Variants in GALNT17 observed in about 807,000 individuals in gnomAD.
GALNT17 encodes the protein UDP-GalNAc:polypeptide N-acetylgalactosaminyltransferase-like 3.
A neutral mutation model predicts 63.7 loss-of-function variants in GALNT17; 29 were observed. The observed-to-expected ratio is 0.46, with a 90% confidence interval of 0.34 to 0.62. GALNT17 has a LOEUF of 0.62. GALNT17 is among the 20% of genes least tolerant of loss of function. The pLI, the probability that GALNT17 is intolerant of heterozygous loss-of-function variation, is 0.01. For missense variants in GALNT17, 603 were observed against 799.6 expected (o/e 0.75, Z 2.97); for synonymous variants, 305 against 318.3 (o/e 0.96, Z 0.45).
intron 5 of GALNT17, among the ~76,000 whole-genome samples, chr7:71,425,189 C>G (rs1462356650): frequency 2.0e-5 from 3 of 152,064 alleles, no homozygotes; most frequent in African/African-American, 7.2e-5. Context: ...CTGTTCCCAG[C>G]TCTGCTTGGT....
chr7:71,570,650 G>A (rs1466654027), intron 5 of GALNT17, among the ~76,000 whole-genome samples: 4 of 152,052 alleles, frequency 2.6e-5, no homozygotes, highest in African/African-American at 9.7e-5. Flanking sequence ...ATCTATGAGG[G>A]AGTCACATTA....
intron 9 of GALNT17, among the ~76,000 whole-genome samples, chr7:71,705,221 T>A (rs1443562403): frequency 6.6e-6 from 1 of 152,134 alleles, no homozygotes; most frequent in Non-Finnish European, 1.5e-5. Context: ...TAGACTTTTT[T>A]TTCAAAGAAG....
At chr7:71,271,746 C>CT (rs144427230) in intron 1 of GALNT17, among the ~76,000 whole-genome samples, 17,749 of 152,118 alleles carry the variant, frequency 0.12, 1,212 homozygotes, top group South Asian at 0.21. Flanking sequence ...GATCTGTTCT[C>CT]TAATTCTTCC....
intron 6 of GALNT17, among the ~76,000 whole-genome samples, chr7:71,639,249 G>GA (rs1206716852): frequency 6.6e-6 from 1 of 151,598 alleles, no homozygotes; most frequent in Admixed American, 6.6e-5. Context: ...ACATTTGTTT[G>GA]AAAAAAAAGG....
chr7:71,391,617 G>A (rs965114177), intron 3 of GALNT17, among the ~76,000 whole-genome samples: 3 of 152,032 alleles, frequency 2.0e-5, no homozygotes, highest in African/African-American at 4.8e-5. Context: ...TGAGAGGCTG[G>A]GACCACAGGC....
chr7:71,269,057 G>A (rs1790540860), intron 1 of GALNT17, among the ~76,000 whole-genome samples: 1 of 152,190 alleles, frequency 6.6e-6, no homozygotes, highest in Admixed American at 6.5e-5. Flanking sequence ...AGGGATCCCT[G>A]TAGCTTGGAA....
At chr7:71,498,689 C>G (rs1208979124) in intron 5 of GALNT17, among the ~76,000 whole-genome samples, 2 of 152,062 alleles carry the variant, frequency 1.3e-5, no homozygotes, top group East Asian at 3.9e-4. Context: ...ATCAGAAGAT[C>G]TGAATATGAC....
intron 6 of GALNT17, among the ~76,000 whole-genome samples, chr7:71,618,642 C>T (rs1290935201): frequency 6.6e-6 from 1 of 152,104 alleles, no homozygotes; most frequent in East Asian, 1.9e-4. Flanking sequence ...ATGTCCCTTG[C>T]CCATTTTTTA....
At chr7:71,230,648 G>T (rs1789771029) in intron 1 of GALNT17, among the ~76,000 whole-genome samples, 2 of 152,152 alleles carry the variant, frequency 1.3e-5, no homozygotes, top group Non-Finnish European at 2.9e-5. Flanking sequence ...CGCTTAAGGA[G>T]CCTTGGTGTC....
At chr7:71,676,895 G>A (rs1242214221) in intron 8 of GALNT17, among the ~76,000 whole-genome samples, 1 of 152,154 alleles carries the variant, frequency 6.6e-6, no homozygotes, top group Admixed American at 6.6e-5. Flanking sequence ...AGAAGTCTAA[G>A]ATCGGGGTAA....
chr7:71,281,767 T>C (rs1391196302), intron 1 of GALNT17, among the ~76,000 whole-genome samples: 1 of 152,334 alleles, frequency 6.6e-6, no homozygotes, highest in South Asian at 2.1e-4. Flanking sequence ...TATTTCCAGA[T>C]ATCAGAAAAA....
rs1477601659 is a variant in GALNT17 at position 71,573,555 on chromosome 7, C to T, written c.1080+2153C>T. 2.7e-5 allele frequency among the ~76,000 whole-genome samples: 4 copies of T among 150,704 alleles called. No homozygotes were observed. The East Asian group carries it at 8.0e-4, about 30-fold the overall frequency. On this transcript the variant is annotated intron_variant, in intron 6 of 10. Coordinates refer to ENST00000333538, the MANE Select transcript of GALNT17 (RefSeq NM_022479.3). ...TTCACTGTGGTAGCCAGGATGGTCT[C>T]AATCTCCTGACCTTGTGATCTGCCC...
At chr7:71,579,758 G>A (rs975796115) in intron 6 of GALNT17, among the ~76,000 whole-genome samples, 8 of 152,154 alleles carry the variant, frequency 5.3e-5, no homozygotes, top group Non-Finnish European at 7.3e-5. Flanking sequence ...TCAAGGTGGG[G>A]CCCAGATTAT....
chr7:71,386,928 A>G (rs1792956252), intron 2 of GALNT17, among the ~76,000 whole-genome samples: 1 of 152,094 alleles, frequency 6.6e-6, no homozygotes, highest in Non-Finnish European at 1.5e-5. Context: ...AATACAGAGC[A>G]CTTAGTGGGT....
chr7:71,286,214 T>C (rs925524275), intron 1 of GALNT17, among the ~76,000 whole-genome samples: 3 of 152,200 alleles, frequency 2.0e-5, no homozygotes, highest in African/African-American at 7.2e-5. Flanking sequence ...TGAAAGACCC[T>C]GAACTTAAGC....
chr7:71,196,749 G>T (rs1363969185), intron 1 of GALNT17, among the ~76,000 whole-genome samples: 1 of 151,982 alleles, frequency 6.6e-6, no homozygotes, highest in Non-Finnish European at 1.5e-5. Context: ...TGCTTCCCAG[G>T]CTCAAGCGAT....
At chr7:71,510,401 A>G (rs1320598953) in intron 5 of GALNT17, among the ~76,000 whole-genome samples, 1 of 152,082 alleles carries the variant, frequency 6.6e-6, no homozygotes, top group Non-Finnish European at 1.5e-5. Flanking sequence ...GCCCTAGACA[A>G]TCACTAATGT....
chr7:71,257,073 G>C (rs1031295289), intron 1 of GALNT17, among the ~76,000 whole-genome samples: 3 of 152,128 alleles, frequency 2.0e-5, no homozygotes, highest in Non-Finnish European at 4.4e-5. Context: ...GACATTATTT[G>C]GTTAACATAG....
chr7:71,192,778 C>T (rs186434076), intron 1 of GALNT17, among the ~76,000 whole-genome samples: 18 of 152,250 alleles, frequency 1.2e-4, no homozygotes, highest in African/African-American at 3.1e-4. Flanking sequence ...ATGAGAGTTC[C>T]GGTGGTGCCT....
Sources: gnomAD v4.1 joint callset for allele counts (sites outside exome capture counted in the v4.1 genomes callset) on GRCh38, gnomAD v4.1.1 for gene constraint, MANE v1.5 for transcripts, NCBI Gene and HGNC (gene_info 2026-07-23, HGNC 2026-07-21) for gene names.